SMC5: variants seen among roughly 807,000 people sequenced by gnomAD.
SMC5 encodes the protein structural maintenance of chromosomes 5.
In SMC5, 88 loss-of-function variants were observed where a neutral mutation model predicts 148.3. The observed-to-expected ratio is 0.59, with a 90% CI of 0.50 to 0.71. The LOEUF (loss-of-function observed/expected upper bound fraction) is 0.71. SMC5 is among the 30% of genes least tolerant of loss of function. The probability of loss-of-function intolerance (pLI) is 0.00; values close to 1 mark genes in which losing one functional copy is unlikely to be tolerated. For synonymous variants in SMC5, 421 were observed against 432.8 expected, an observed-to-expected ratio of 0.97 and a Z score of 0.34; for missense variants, 1,142 against 1,298.9, an observed-to-expected ratio of 0.88 and a Z score of 1.86.
rs777434915 is a variant in SMC5 at position 70,347,715 on chromosome 9, C to G, written c.2767C>G (p.Gln923Glu). The G allele has an allele frequency of 6.5e-7, 1 of 1,528,156 alleles. No individual in the cohort carries two copies. Among genetic ancestry groups the G allele is most frequent in the Non-Finnish European group, 8.8e-7 (1 of 1,131,814 alleles). The allele number at this position is 1,528,156 out of a possible 1,614,324, so 94.7% of individuals were successfully genotyped here. Residue 923 changes from glutamine (Q) to glutamate (E), a missense_variant and splice_region_variant, in exon 21 of 25, where the codon CAG (glutamine) becomes GAG (glutamate). By Grantham distance (29) the Gln-to-Glu change is conservative. Transcript: ENST00000361138. ...ELDQYRENIS[Q>E]VKERWLNPLK... is the part of the protein sequence containing the mutation. ...AGATCAATACAGGGAAAACATTTCA[C>G]AGGTAATTTTTTAGTTTTTAATCTT...
chr9:70,340,639 A>G (rs946399403), intron 17 of SMC5, among the ~76,000 whole-genome samples: 1 of 152,140 alleles, frequency 6.6e-6, no homozygotes, highest in Admixed American at 6.6e-5. Flanking sequence ...GATGATACCT[A>G]GAACTTAATT....
intron 8 of SMC5, 96 bp downstream of exon 8, chr9:70,286,367 C>T: frequency 1.4e-6 from 1 of 731,086 alleles, no homozygotes; most frequent in Non-Finnish European, 2.3e-6. Flanking sequence ...TGGGGAATGG[C>T]CAAGATCCTC....
intron 17 of SMC5, among the ~76,000 whole-genome samples, chr9:70,341,017 A>T (rs923611176): frequency 6.6e-6 from 1 of 152,124 alleles, no homozygotes; most frequent in African/African-American, 2.4e-5. Context: ...TTCTCTATTA[A>T]CTATTAAAGG....
chr9:70,285,367 C>T (rs2034866882), intron 7 of SMC5, among the ~76,000 whole-genome samples: 1 of 152,192 alleles, frequency 6.6e-6, no homozygotes, highest in Non-Finnish European at 1.5e-5. Context: ...ATTATGACAA[C>T]ATTTTAAAAG....
chr9:70,259,347 C>A (rs2034026092), intron 1 of SMC5, 84 bp downstream of exon 1: 2 of 1,400,394 alleles, frequency 1.4e-6, no homozygotes, highest in Non-Finnish European at 1.9e-6. Context: ...CGGGCGTGGG[C>A]GTGTGGGTGT....
chr9:70,309,604 A>G (rs979718276), intron 11 of SMC5, among the ~76,000 whole-genome samples: 1 of 152,054 alleles, frequency 6.6e-6, no homozygotes, highest in Non-Finnish European at 1.5e-5. Context: ...TTGCTCATCC[A>G]TAAGAAGCTA....
At position 70,318,737 on chromosome 9, in the gene SMC5, A is replaced by C. The variant is rs531293441; in HGVS notation, c.1980+50A>C. On this transcript the variant is annotated intron_variant, in intron 14 of 24. Transcript: ENST00000361138. ...AGAAAAGAATATTAACTGGATTTCTAATAGTTTCACTGGAACAGTTTTTTA... is the reference window on the plus strand; with the variant it reads ...AGAAAAGAATATTAACTGGATTTCTCATAGTTTCACTGGAACAGTTTTTTA... 1.5e-5 allele frequency: 24 copies of C among 1,558,696 alleles called. No individual in the cohort carries two copies. The South Asian group carries it at 2.3e-4, about 15-fold the overall frequency.
intron 24 of SMC5, among the ~76,000 whole-genome samples, chr9:70,351,267 T>G (rs1345914994): frequency 6.6e-6 from 1 of 151,804 alleles, no homozygotes; most frequent in East Asian, 1.9e-4. Context: ...GGCATGAGGA[T>G]CGCTTGAGTC....
At chr9:70,261,997 A>G (rs1243705590) in intron 1 of SMC5, among the ~76,000 whole-genome samples, 1 of 152,212 alleles carries the variant, frequency 6.6e-6, no homozygotes, top group African/African-American at 2.4e-5. Flanking sequence ...TGCAAAGAGA[A>G]GAAAGAGAAG....
At chr9:70,269,506 G>A (rs987869126) in intron 3 of SMC5, among the ~76,000 whole-genome samples, 22 of 152,226 alleles carry the variant, frequency 1.4e-4, no homozygotes, top group Admixed American at 9.2e-4. Context: ...CCTGAGCCTG[G>A]GGAGGTAGAG....
At chr9:70,273,245 A>T (rs1011104479) in intron 3 of SMC5, among the ~76,000 whole-genome samples, 4 of 147,576 alleles carry the variant, frequency 2.7e-5, no homozygotes, top group Admixed American at 1.3e-4. Flanking sequence ...GATTTCATTT[A>T]TTTATAGTAA....
intron 9 of SMC5, among the ~76,000 whole-genome samples, chr9:70,298,722 G>A (rs1349536001): frequency 1.3e-5 from 2 of 150,770 alleles, no homozygotes; most frequent in African/African-American, 4.9e-5. Context: ...AGTATTAGAT[G>A]TGTATGGCTA....
rs117611079 is a variant in SMC5 at position 70,334,357 on chromosome 9, A to T, written c.2398-9787A>T. ...CTTAGTTACCTTGGTTTTGGCAAGG[A>T]TTTCTTAGATAAAATAGAAAAAACA... On this transcript the variant is annotated intron_variant, in intron 17 of 24. Transcript: ENST00000361138. 8.2e-3 allele frequency among the ~76,000 whole-genome samples: 1,255 copies of T among 152,336 alleles called. 7 individuals carry two copies. The highest frequency in any genetic ancestry group is 0.012 in the Non-Finnish European group (799 of 68,016).
intron 15 of SMC5, among the ~76,000 whole-genome samples, chr9:70,322,183 C>G (rs1352341396): frequency 6.6e-6 from 1 of 152,074 alleles, no homozygotes; most frequent in Non-Finnish European, 1.5e-5. Flanking sequence ...CAAGATATAT[C>G]TATTTAGTCT....
intron 13 of SMC5, among the ~76,000 whole-genome samples, chr9:70,318,000 C>T (rs1320545617): frequency 6.8e-6 from 1 of 147,650 alleles, no homozygotes; most frequent in African/African-American, 2.6e-5. Flanking sequence ...AGCTCCAAAA[C>T]TACTTGGGAG....
chr9:70,304,404 A>G (rs1468285587), intron 10 of SMC5, among the ~76,000 whole-genome samples: 1 of 152,114 alleles, frequency 6.6e-6, no homozygotes, highest in Non-Finnish European at 1.5e-5. Context: ...ATAGATCAAT[A>G]GGTCGGGCAC....
intron 15 of SMC5, among the ~76,000 whole-genome samples, chr9:70,322,732 A>T (rs2035980681): frequency 6.6e-6 from 1 of 152,144 alleles, no homozygotes; most frequent in South Asian, 2.1e-4. Flanking sequence ...GCTTCTCGGG[A>T]GGCTGAGGCA....
intron 1 of SMC5, 109 bp from the exon 2 acceptor site, chr9:70,264,195 G>A (rs2117956835): frequency 1.1e-6 from 1 of 915,180 alleles, no homozygotes; most frequent in Middle Eastern, 2.4e-4. Flanking sequence ...CATTAAATTT[G>A]TAAGGTTAGC....
chr9:70,289,906 G>A (rs768429001), intron 8 of SMC5, among the ~76,000 whole-genome samples: 1 of 149,744 alleles, frequency 6.7e-6, no homozygotes, highest in Admixed American at 6.7e-5. Flanking sequence ...TTATTTTACT[G>A]CCAGTATTGA....
Sources: gnomAD v4.1 joint callset for allele counts (sites outside exome capture counted in the v4.1 genomes callset) on GRCh38, gnomAD v4.1.1 for gene constraint, MANE v1.5 for transcripts, NCBI Gene and HGNC (gene_info 2026-07-23, HGNC 2026-07-21) for gene names.